PDE9A: variants seen among roughly 807,000 people sequenced by gnomAD.
PDE9A encodes high affinity cGMP-specific 3',5'-cyclic phosphodiesterase 9A.
Under a neutral mutation model 87.4 loss-of-function variants are expected in PDE9A, and 60 were observed. The ratio of observed to expected loss-of-function variants is 0.69; its 90% confidence interval spans 0.56 to 0.85. The LOEUF (loss-of-function observed/expected upper bound fraction) is 0.85, where lower values mean the gene tolerates loss of function less well. Ranked by LOEUF, PDE9A falls within the 40% of genes least tolerant of loss-of-function variation. PDE9A has a pLI of 0.00. For synonymous variants in PDE9A, 272 were observed against 279.4 expected, an observed-to-expected ratio of 0.97 and a Z score of 0.27; for missense variants, 665 against 779.0, an observed-to-expected ratio of 0.85 and a Z score of 1.74.
Position 42,768,194 on chromosome 21 carries a change from A to G in PDE9A, c.1363A>G (p.Met455Val), listed in dbSNP as rs780107538. ...CCAAAATCTCTTCTTTCAGCTGAAG[A>G]TGATTTTGATAAAATGCTGTGATAT... ...SNEEHMTLLK[M>V]ILIKCCDISN... is the part of the protein sequence containing the mutation. Residue 455 changes from methionine to valine, a missense_variant, in exon 16 of 20, where the codon ATG becomes GTG. Transcript: ENST00000291539. The G allele has an allele frequency of 3.8e-6, 6 of 1,597,148 alleles. No individual in the cohort carries two copies. In the East Asian group the frequency reaches 1.1e-4, roughly 30 times the overall value.
intron 7 of PDE9A, among the ~76,000 whole-genome samples, chr21:42,742,237 A>T (rs2053362136): frequency 6.6e-6 from 1 of 152,172 alleles, no homozygotes; most frequent in Non-Finnish European, 1.5e-5. Flanking sequence ...ACCTAAACAG[A>T]GCTCATTCAT....
intron 4 of PDE9A, among the ~76,000 whole-genome samples, chr21:42,727,644 T>G (rs186742969): frequency 8.5e-5 from 13 of 152,122 alleles, no homozygotes; most frequent in African/African-American, 3.1e-4. Context: ...GGTATTTTAT[T>G]TATAATTTCA....
intron 16 of PDE9A, 83 bp from the exon 17 acceptor site, chr21:42,768,944 G>A (rs867176057): frequency 5.9e-5 from 89 of 1,513,516 alleles, no homozygotes; most frequent in South Asian, 4.6e-4. Flanking sequence ...GTTAACTGGC[G>A]CATCTTGTCT....
rs2058799038 is a variant in PDE9A, at chr21:42,675,466, CT to C, written c.70-10724del. Among the ~76,000 whole-genome samples, 1 of 152,248 alleles carries C rather than the reference CT, an allele frequency of 6.6e-6. No homozygotes were observed. Among genetic ancestry groups the C allele is most frequent in the East Asian group, 1.9e-4 (1 of 5,202 alleles). On this transcript the variant is annotated intron_variant, in intron 1 of 19. Coordinates refer to ENST00000291539, the MANE Select transcript of PDE9A (RefSeq NM_002606.3). The surrounding 1 kb of genome is among the most constrained non-coding windows in gnomAD (Gnocchi z 4.3). The stretch of plus-strand genomic sequence containing the variant: ...GAAAGCACCAGAATGGTGCCTGGCA[CT>C]TAATAAATGCTCTTATTAGTATGTT...
At chr21:42,674,521 G>A (rs962322026) in intron 1 of PDE9A, among the ~76,000 whole-genome samples, 8 of 152,024 alleles carry the variant, frequency 5.3e-5, no homozygotes, top group Admixed American at 2.6e-4. Context: ...TCCAGCCCCT[G>A]GCCTTTGTAA....
intron 1 of PDE9A, among the ~76,000 whole-genome samples, chr21:42,671,869 T>A (rs1248785463): frequency 6.6e-6 from 1 of 152,198 alleles, no homozygotes; most frequent in Non-Finnish European, 1.5e-5. Context: ...TAGAAATGTG[T>A]GAATCTGCTA....
intron 1 of PDE9A, among the ~76,000 whole-genome samples, chr21:42,661,946 G>A (rs1395093315): frequency 1.3e-5 from 2 of 152,150 alleles, no homozygotes; most frequent in Non-Finnish European, 2.9e-5. Flanking sequence ...CTGGTGGAGA[G>A]CGCAGATGGG....
intron 1 of PDE9A, among the ~76,000 whole-genome samples, chr21:42,680,413 T>C (rs1395490979): frequency 6.6e-6 from 1 of 152,166 alleles, no homozygotes; most frequent in Non-Finnish European, 1.5e-5. Context: ...CTGTCATGGG[T>C]GCAGGGTGGA....
rs2051807063 is a variant in PDE9A at position 42,731,904 on chromosome 21, A to G, written c.397A>G (p.Arg133Gly). 8.7e-6 allele frequency: 14 copies of G among 1,614,156 alleles called. No homozygotes were observed. Among genetic ancestry groups the G allele is most frequent in the Non-Finnish European group, 1.2e-5 (14 of 1,179,976 alleles). ...AAGTGGACAGGTAGAGCCCAGGCCC[A>G]GAGAGCCCCAGGGCTGCTACCAGGA... ...FESGQVEPRP[R>G]EPQGCYQEGQ... is the part of the protein sequence containing the mutation. The change falls in exon 5 of 20, where the codon AGA becomes GGA. Residue 133 changes from arginine (R) to glycine (G), a missense_variant. By Grantham distance (125) the Arg-to-Gly change is moderately radical (BLOSUM62 -2). Coordinates refer to ENST00000291539, the MANE Select transcript of PDE9A (RefSeq NM_002606.3).
chr21:42,704,433 A>AACACACACACAC lies in PDE9A; in HGVS notation c.262+5448_262+5459dup, dbSNP rs34581078. 0.085 allele frequency among the ~76,000 whole-genome samples: 11,599 copies of AACACACACACAC among 136,892 alleles called. 576 individuals carry two copies. The highest frequency in any genetic ancestry group is 0.11 in the East Asian group (493 of 4,584). 89.8% of individuals were successfully genotyped at this position (136,892 alleles called of 152,430 possible). ...CAGGTAGACCCCCCCCACCCCACCA[A>AACACACACACAC]ACACACACACACACACACACACACA... On this transcript the variant is annotated intron_variant, in intron 4 of 19. Transcript: ENST00000291539. The surrounding 1 kb of genome is among the most constrained non-coding windows in gnomAD (Gnocchi z 5.3).
intron 19 of PDE9A, among the ~76,000 whole-genome samples, chr21:42,774,701 G>A (rs962406152): frequency 2.0e-5 from 3 of 151,812 alleles, no homozygotes; most frequent in Non-Finnish European, 4.4e-5. Flanking sequence ...GGCCAACATG[G>A]TGAAACCCCA....
At chr21:42,750,203 G>C (rs1161190380) in intron 8 of PDE9A, among the ~76,000 whole-genome samples, 1 of 152,162 alleles carries the variant, frequency 6.6e-6, no homozygotes, top group East Asian at 1.9e-4. Context: ...ACTCACACCT[G>C]TCATCCCAAT....
At chr21:42,768,969 C>T in intron 16 of PDE9A, 58 bp from the exon 17 acceptor site, 5 of 1,540,438 alleles carry the variant, frequency 3.2e-6, no homozygotes, top group Non-Finnish European at 3.5e-6. Context: ...CTGAGAACAG[C>T]GATCTGGTTA....
rs1003446691 is a variant in PDE9A at position 42,768,942 on chromosome 21, G to A, written c.1462-85G>A. ...GGTTTGGTTGGTTGGTGGTTAACTG[G>A]CGCATCTTGTCTTTCTCTGAGAACA... is the stretch of plus-strand genomic sequence containing the variant. On this transcript the variant is annotated intron_variant, in intron 16 of 19. Coordinates refer to ENST00000291539, the MANE Select transcript of PDE9A (RefSeq NM_002606.3). 3 of 1,515,934 alleles carry A rather than the reference G, an allele frequency of 2.0e-6. No homozygotes were observed. The African/African-American group carries it at 4.2e-5, about 21-fold the overall frequency. 93.9% of individuals were successfully genotyped at this position (1,515,934 alleles called of 1,614,324 possible).
chr21:42,687,151 T>G (rs896944366), intron 2 of PDE9A, among the ~76,000 whole-genome samples: 1 of 152,204 alleles, frequency 6.6e-6, no homozygotes, highest in Non-Finnish European at 1.5e-5. Flanking sequence ...GGCTCAAGGA[T>G]TAACTTTAAA....
chr21:42,769,587 TACACACAGGC>T (rs1569280014), intron 17 of PDE9A, among the ~76,000 whole-genome samples: 4 of 102,654 alleles, frequency 3.9e-5, no homozygotes, highest in Non-Finnish European at 7.8e-5. Flanking sequence ...TGCACACAGG[TACACACAGGC>T]ACACAAATGC....
At chr21:42,761,450 C>T (rs1396299724) in intron 13 of PDE9A, among the ~76,000 whole-genome samples, 1 of 152,252 alleles carries the variant, frequency 6.6e-6, no homozygotes, top group East Asian at 1.9e-4. Context: ...CCTGCCTCCA[C>T]AGGCACAGAG....
At chr21:42,732,017 C>T (rs2051833413) in intron 5 of PDE9A, 53 bp from the exon 6 acceptor site, 1 of 1,611,656 alleles carries the variant, frequency 6.2e-7, no homozygotes, top group Non-Finnish European at 8.5e-7. Flanking sequence ...CAATGGCCTA[C>T]ACATCTTTTC....
At chr21:42,761,905 G>A (rs1157521457) in intron 13 of PDE9A, among the ~76,000 whole-genome samples, 178 bp from the exon 14 acceptor site, 2 of 152,262 alleles carry the variant, frequency 1.3e-5, no homozygotes, top group African/African-American at 4.8e-5. Context: ...CAGTTGCAGG[G>A]GCAGCTGAGC....
Sources: allele counts gnomAD v4.1 joint callset (sites outside exome capture counted in the v4.1 genomes callset), GRCh38; gene constraint gnomAD v4.1.1; non-coding constraint Gnocchi (gnomAD v3.1); transcripts MANE v1.5; gene names NCBI Gene and HGNC (gene_info 2026-07-23, HGNC 2026-07-21).